Variants in HIP1 observed in about 807,000 individuals in gnomAD.
HIP1 encodes huntingtin interacting protein 1.
A neutral mutation model predicts 147.6 loss-of-function variants in HIP1; 65 were observed. That is an observed-to-expected ratio of 0.44 (90% CI 0.36 to 0.54). The LOEUF (loss-of-function observed/expected upper bound fraction) is 0.54, where lower values mean the gene tolerates loss of function less well. Among genes scored for constraint, HIP1 ranks in the 20% least tolerant of loss-of-function variants. The pLI is 0.00. For missense variants in HIP1, 1,061 were observed against 1,299.6 expected (o/e 0.82, Z 2.82); for synonymous variants, 479 against 504.0 (o/e 0.95, Z 0.67).
intron 29 of HIP1, among the ~76,000 whole-genome samples, chr7:75,540,902 T>C (rs1410167899): frequency 6.6e-6 from 1 of 152,188 alleles, no homozygotes; most frequent in African/African-American, 2.4e-5. Context: ...CTATTAAGTT[T>C]GTGGATACTA....
intron 1 of HIP1, among the ~76,000 whole-genome samples, chr7:75,601,232 C>A (rs1224898111): frequency 3.9e-5 from 6 of 152,016 alleles, no homozygotes; most frequent in Non-Finnish European, 8.8e-5. Context: ...ATGGTATAGA[C>A]CCACGGATCA....
chr7:75,542,122 C>A (rs1794346501), intron 28 of HIP1, 142 bp from the exon 29 acceptor site: 1 of 694,934 alleles, frequency 1.4e-6, no homozygotes, highest in Non-Finnish European at 2.6e-6. Flanking sequence ...GGGGGCCAGA[C>A]AACGGTGGCT....
At chr7:75,593,629 C>CAAA (rs34062007) in intron 2 of HIP1, among the ~76,000 whole-genome samples, 83 of 72,200 alleles carry the variant, frequency 1.1e-3, no homozygotes, top group Admixed American at 1.8e-3. Context: ...GACTCCATCT[C>CAAA]AAAAAAAAAA....
intron 1 of HIP1, among the ~76,000 whole-genome samples, chr7:75,716,834 G>A (rs1357118122): frequency 2.0e-5 from 3 of 150,418 alleles, no homozygotes; most frequent in Non-Finnish European, 3.0e-5. Context: ...TTAGGGGGGG[G>A]GAAAGGATCT....
chr7:75,701,557 T>A (rs904492400), intron 1 of HIP1, among the ~76,000 whole-genome samples: 1 of 151,974 alleles, frequency 6.6e-6, no homozygotes. Flanking sequence ...TAAAAAATGT[T>A]TTTTAAATTA....
At chr7:75,704,002 C>T (rs1025645408) in intron 1 of HIP1, among the ~76,000 whole-genome samples, 131 of 152,220 alleles carry the variant, frequency 8.6e-4, no homozygotes, top group African/African-American at 3.1e-3. Flanking sequence ...CCAAGTTCCC[C>T]CAAGACTCAT....
intron 1 of HIP1, among the ~76,000 whole-genome samples, chr7:75,653,284 G>A (rs1435384896): frequency 2.0e-5 from 3 of 152,086 alleles, no homozygotes; most frequent in African/African-American, 7.2e-5. Flanking sequence ...TATCACACAC[G>A]TCAAGCCTTA....
At chr7:75,678,437 A>G (rs2705802) in intron 1 of HIP1, among the ~76,000 whole-genome samples, 85,932 of 147,818 alleles carry the variant, frequency 0.58, 25,108 homozygotes, top group African/African-American at 0.67. Context: ...TCCCTCTCCC[A>G]GCTTCAAGGG....
intron 14 of HIP1, 59 bp downstream of exon 14, chr7:75,559,673 T>G: frequency 7.3e-7 from 1 of 1,366,072 alleles, no homozygotes; most frequent in Non-Finnish European, 9.8e-7. Context: ...TGAGTCCAGC[T>G]GGGCTCTGCT....
At chr7:75,692,483 C>T (rs369685915) in intron 1 of HIP1, among the ~76,000 whole-genome samples, 2 of 151,824 alleles carry the variant, frequency 1.3e-5, no homozygotes, top group Admixed American at 6.6e-5. Context: ...TACAGTGGCG[C>T]GATCTTGGCT....
chr7:75,556,754 G>A lies in HIP1; in HGVS notation c.1639C>T (p.Arg547Trp), dbSNP rs782630208. The change falls in exon 17 of 31, where the codon CGG becomes TGG. Residue 547 changes from arginine (R) to tryptophan (W), a missense_variant. By Grantham distance (101) the Arg-to-Trp change is moderately radical. This residue lies in a region of HIP1 where 810 missense variants were observed against 946.8 expected (regional missense o/e 0.86). Coordinates refer to ENST00000336926, the MANE Select transcript of HIP1 (RefSeq NM_005338.7). ...CTGCCTTGCAGAACCTGAAGCTCCC[G>A]TTGGCTTGTGGCAAGTTCCTGCTTC... ...SLKQELATSQ[R>W]ELQVLQGSLE... The A allele has an allele frequency of 5.0e-6, 8 of 1,613,306 alleles. No individual in the cohort carries two copies. The African/African-American group carries it at 8.0e-5, about 16-fold the overall frequency.
rs797037849 is a variant in HIP1 at position 75,622,852 on chromosome 7, T to A, written c.121-23605A>T. 3.4e-4 allele frequency among the ~76,000 whole-genome samples: 10 copies of A among 29,502 alleles called. No homozygotes were observed. In the African/African-American group the frequency reaches 3.8e-3, roughly 11 times the overall value. 19.4% of individuals were successfully genotyped at this position (29,502 alleles called of 152,430 possible). A position where few individuals can be genotyped will look rare whatever the true frequency, so the allele number is the denominator to read the frequency against. ...AGCAAGATTGTCAAATAAATAATTA[T>A]CTATCTATCTATCTATCTATCTATC... is the stretch of plus-strand genomic sequence containing the variant. On this transcript the variant is annotated intron_variant, in intron 1 of 30. Coordinates refer to ENST00000336926, the MANE Select transcript of HIP1 (RefSeq NM_005338.7).
chr7:75,555,766 C>A (rs1794977725), intron 18 of HIP1, among the ~76,000 whole-genome samples: 5 of 151,874 alleles, frequency 3.3e-5, no homozygotes, highest in Admixed American at 3.3e-4. Flanking sequence ...GGGGATGGAT[C>A]ACTGCGCCCG....
intron 1 of HIP1, among the ~76,000 whole-genome samples, chr7:75,719,974 C>A (rs1554521046): frequency 6.6e-6 from 1 of 152,196 alleles, no homozygotes; most frequent in Non-Finnish European, 1.5e-5. Context: ...TCGGCTTCCT[C>A]TAGGAAACTG....
chr7:75,543,195 T>C (rs1794403281), intron 27 of HIP1, among the ~76,000 whole-genome samples: 1 of 152,102 alleles, frequency 6.6e-6, no homozygotes, highest in South Asian at 2.1e-4. Flanking sequence ...CTAAGCATTA[T>C]CACTTATTTG....
At chr7:75,686,391 C>T (rs943440255) in intron 1 of HIP1, among the ~76,000 whole-genome samples, 16 of 152,126 alleles carry the variant, frequency 1.1e-4, no homozygotes, top group African/African-American at 3.1e-4. Flanking sequence ...TTAATACACT[C>T]GGAATTTATT....
chr7:75,662,003 G>T (rs1188634534), intron 1 of HIP1, among the ~76,000 whole-genome samples: 1 of 151,504 alleles, frequency 6.6e-6, no homozygotes, highest in Non-Finnish European at 1.5e-5. Flanking sequence ...GGAGAGAGAT[G>T]GATGAGTGGA....
chr7:75,689,498 C>A (rs145424212), intron 1 of HIP1, among the ~76,000 whole-genome samples: 1 of 151,846 alleles, frequency 6.6e-6, no homozygotes, highest in South Asian at 2.1e-4. Context: ...AGCAAGACTC[C>A]GCCTCAAATA....
intron 1 of HIP1, among the ~76,000 whole-genome samples, chr7:75,629,630 CCTCCCAGGTTCAGG>C: frequency 6.6e-6 from 1 of 152,084 alleles, no homozygotes; most frequent in South Asian, 2.1e-4. Flanking sequence ...GCAACCTCCG[CCTCCCAGGTTCAGG>C]CGATTCTCGT....
Sources: allele counts gnomAD v4.1 joint callset (sites outside exome capture counted in the v4.1 genomes callset), GRCh38; gene constraint gnomAD v4.1.1; regional missense constraint gnomAD v4.1.1; transcripts MANE v1.5; gene names NCBI Gene and HGNC (gene_info 2026-07-23, HGNC 2026-07-21).